The following FAM107B variants were observed in gnomAD, a reference collection of about 807,000 sequenced individuals.
FAM107B encodes protein FAM107B.
A neutral mutation model predicts 31.5 loss-of-function variants in FAM107B; 21 were observed. The observed-to-expected ratio is 0.67, with a 90% CI of 0.47 to 0.96. The LOEUF is 0.96. Ranked by LOEUF, FAM107B falls within the 40% of genes least tolerant of loss-of-function variation. FAM107B has a pLI of 0.00. For missense variants in FAM107B, 452 were observed against 377.1 expected (o/e 1.20, Z -1.64); for synonymous variants, 157 against 141.5 (o/e 1.11, Z -0.78).
chr10:14,737,497 C>T (rs1856328312), intron 1 of FAM107B, among the ~76,000 whole-genome samples: 1 of 151,924 alleles, frequency 6.6e-6, no homozygotes, highest in African/African-American at 2.4e-5. Flanking sequence ...ACCTGTAACC[C>T]TGGCTACTTG....
intron 2 of FAM107B, among the ~76,000 whole-genome samples, chr10:14,607,248 T>C (rs1466449444): frequency 6.6e-6 from 1 of 152,242 alleles, no homozygotes; most frequent in Admixed American, 6.5e-5. Flanking sequence ...CAAAAACAAA[T>C]AAGAGCAAAT....
chr10:14,760,843 C>A (rs1833028303), intron 1 of FAM107B, among the ~76,000 whole-genome samples: 1 of 151,874 alleles, frequency 6.6e-6, no homozygotes, highest in East Asian at 1.9e-4. Context: ...GAAACCCCGT[C>A]TCTACTAAAA....
At chr10:14,628,112 G>GGTTTTTTTTGTTTTTT (rs1440347763) in intron 2 of FAM107B, among the ~76,000 whole-genome samples, 1 of 92,676 alleles carries the variant, frequency 1.1e-5, no homozygotes, top group Admixed American at 1.4e-4. Flanking sequence ...TGTTTTGCTG[G>GGTTTTTTTTGTTTTTT]TTTTTTTTTT....
At chr10:14,582,958 C>G in intron 2 of FAM107B, among the ~76,000 whole-genome samples, 1 of 151,766 alleles carries the variant, frequency 6.6e-6, no homozygotes, top group Admixed American at 6.6e-5. Flanking sequence ...GAGTGGCGTG[C>G]CCCTATAATC....
intron 2 of FAM107B, among the ~76,000 whole-genome samples, chr10:14,573,807 T>C (rs1374211441): frequency 3.3e-5 from 5 of 152,162 alleles, no homozygotes; most frequent in African/African-American, 1.2e-4. Flanking sequence ...TACGGCAGCA[T>C]AGAACAGACT....
At chr10:14,690,188 G>A (rs754319513) in intron 1 of FAM107B, among the ~76,000 whole-genome samples, 3 of 152,160 alleles carry the variant, frequency 2.0e-5, no homozygotes, top group South Asian at 2.1e-4. Flanking sequence ...GGATTCAGTC[G>A]ATGGAGATCA....
chr10:14,758,672 T>A (rs985746874), intron 1 of FAM107B, among the ~76,000 whole-genome samples: 27 of 151,978 alleles, frequency 1.8e-4, no homozygotes, highest in African/African-American at 6.0e-4. Context: ...CGAGTGCCAA[T>A]AGGCCAGCCC....
At chr10:14,643,500 C>T (rs1255425128) in intron 2 of FAM107B, among the ~76,000 whole-genome samples, 1 of 151,452 alleles carries the variant, frequency 6.6e-6, no homozygotes, top group Non-Finnish European at 1.5e-5. Context: ...GTCTCCACCT[C>T]CTGGGTTTAA....
intron 2 of FAM107B, among the ~76,000 whole-genome samples, chr10:14,594,604 T>C (rs1194522100): frequency 1.3e-5 from 2 of 150,788 alleles, no homozygotes; most frequent in African/African-American, 2.4e-5. Context: ...CTCAAACACA[T>C]GGTGAAGGGC....
At chr10:14,656,555 T>C (rs1221954002) in intron 2 of FAM107B, among the ~76,000 whole-genome samples, 2 of 152,196 alleles carry the variant, frequency 1.3e-5, no homozygotes, top group Non-Finnish European at 2.9e-5. Context: ...AGTTCTTCTT[T>C]TTATACCAAT....
At chr10:14,595,348 T>A (rs1852152215) in intron 2 of FAM107B, among the ~76,000 whole-genome samples, 1 of 151,356 alleles carries the variant, frequency 6.6e-6, no homozygotes, top group South Asian at 2.1e-4. Flanking sequence ...CCAGCAAAAA[T>A]GATTGAAAAC....
At chr10:14,598,092 T>C (rs377030888) in intron 2 of FAM107B, among the ~76,000 whole-genome samples, 31 of 152,352 alleles carry the variant, frequency 2.0e-4, no homozygotes, top group African/African-American at 6.5e-4. Context: ...ATTGGATATG[T>C]AGTTTGCCAA....
intron 1 of FAM107B, among the ~76,000 whole-genome samples, chr10:14,720,833 A>G (rs1041383135): frequency 6.6e-6 from 1 of 151,294 alleles, no homozygotes; most frequent in Non-Finnish European, 1.5e-5. Flanking sequence ...AAAGGAACAT[A>G]TTTTTTTTTA....
intron 2 of FAM107B, among the ~76,000 whole-genome samples, chr10:14,541,954 G>A (rs748060983): frequency 1.1e-4 from 17 of 152,070 alleles, no homozygotes; most frequent in Non-Finnish European, 2.1e-4. Flanking sequence ...TGTGTGCACC[G>A]TATTAAAACG....
At chr10:14,616,150 A>C (rs996056763) in intron 2 of FAM107B, among the ~76,000 whole-genome samples, 10 of 152,212 alleles carry the variant, frequency 6.6e-5, no homozygotes, top group Non-Finnish European at 1.3e-4. Flanking sequence ...AATAATATTG[A>C]CCTGCTTGTG....
intron 2 of FAM107B, among the ~76,000 whole-genome samples, chr10:14,594,274 C>T (rs923925660): frequency 5.3e-5 from 8 of 152,086 alleles, no homozygotes; most frequent in African/African-American, 1.9e-4. Context: ...GGGAGGCCAA[C>T]GCAAAAGGAT....
intron 1 of FAM107B, among the ~76,000 whole-genome samples, chr10:14,681,013 G>C (rs965907254): frequency 2.0e-5 from 3 of 152,212 alleles, no homozygotes; most frequent in African/African-American, 7.2e-5. Flanking sequence ...CAGGATCAGG[G>C]AGACTCTGGG....
At chr10:14,700,334 G>A (rs573985865) in intron 1 of FAM107B, among the ~76,000 whole-genome samples, 5 of 152,196 alleles carry the variant, frequency 3.3e-5, no homozygotes, top group Non-Finnish European at 7.3e-5. Context: ...GCAAAGCACT[G>A]AGAGATAACC....
chr10:14,724,729 C>G (rs1855990124), intron 1 of FAM107B, among the ~76,000 whole-genome samples: 1 of 152,006 alleles, frequency 6.6e-6, no homozygotes, highest in African/African-American at 2.4e-5. Context: ...CACAAGTTCC[C>G]AGGAACCCAC....
Sources: gnomAD v4.1 joint callset for allele counts (sites outside exome capture counted in the v4.1 genomes callset) on GRCh38, gnomAD v4.1.1 for gene constraint, MANE v1.5 for transcripts, NCBI Gene and HGNC (gene_info 2026-07-23, HGNC 2026-07-21) for gene names.